Variants in SGMS1 observed in about 807,000 individuals in gnomAD.
SGMS1 encodes phosphatidylcholine:ceramide cholinephosphotransferase 1.
SGMS1 carries 13 observed loss-of-function variants against 46.2 expected under a neutral mutation model. The observed-to-expected ratio is 0.28, with a 90% confidence interval of 0.18 to 0.45. The LOEUF (loss-of-function observed/expected upper bound fraction) is 0.45, where lower values mean the gene tolerates loss of function less well. Among genes scored for constraint, SGMS1 ranks in the 20% least tolerant of loss-of-function variants. The pLI, the probability that SGMS1 is intolerant of heterozygous loss-of-function variation, is 1.00. For missense variants in SGMS1, 324 were observed against 519.9 expected, an observed-to-expected ratio of 0.62 and a Z score of 3.66; for synonymous variants, 203 against 187.8, an observed-to-expected ratio of 1.08 and a Z score of -0.66.
rs550268171 is a variant in SGMS1, at chr10:50,585,841, G to C, written c.-589+4312C>G. ...AATACAATAGACACTCTGTAAATACGTGTTGGATGAATACATGAATGAGAA... is the reference window on the plus strand; with the variant it reads ...AATACAATAGACACTCTGTAAATACCTGTTGGATGAATACATGAATGAGAA... On this transcript the variant is annotated intron_variant, in intron 2 of 10. Coordinates refer to ENST00000361781, the MANE Select transcript of SGMS1 (RefSeq NM_147156.4). Among the ~76,000 whole-genome samples, 4 of 152,330 alleles carry C rather than the reference G, an allele frequency of 2.6e-5. No individual in the cohort carries two copies. The East Asian group carries it at 5.8e-4, about 22-fold the overall frequency.
intron 2 of SGMS1, among the ~76,000 whole-genome samples, chr10:50,536,487 C>A (rs1203582160): frequency 2.0e-5 from 3 of 152,100 alleles, no homozygotes; most frequent in Non-Finnish European, 1.5e-5. Context: ...CAACAAGGCA[C>A]CTGTTAATAA....
chr10:50,519,182 T>C (rs1215543992), intron 3 of SGMS1, among the ~76,000 whole-genome samples: 1 of 152,230 alleles, frequency 6.6e-6, no homozygotes, highest in African/African-American at 2.4e-5. Flanking sequence ...TTGGAGATTA[T>C]ATATACAGAC....
chr10:50,531,152 G>C (rs1236771811), intron 2 of SGMS1, among the ~76,000 whole-genome samples: 1 of 152,130 alleles, frequency 6.6e-6, no homozygotes, highest in East Asian at 1.9e-4. Context: ...CACTTAGCTA[G>C]GGCAGGCACC....
intron 6 of SGMS1, among the ~76,000 whole-genome samples, chr10:50,409,147 G>C (rs956255252): frequency 5.9e-5 from 9 of 151,996 alleles, no homozygotes; most frequent in Middle Eastern, 3.4e-3. Context: ...CATATTTATG[G>C]GGTACATGTG....
chr10:50,382,164 C>T (rs907752032), intron 6 of SGMS1, among the ~76,000 whole-genome samples: 5 of 152,164 alleles, frequency 3.3e-5, no homozygotes, highest in African/African-American at 1.2e-4. Flanking sequence ...ATTGGGATTA[C>T]ATTTAATTGA....
intron 6 of SGMS1, among the ~76,000 whole-genome samples, chr10:50,429,755 T>C (rs1849382344): frequency 6.6e-6 from 1 of 150,784 alleles, no homozygotes; most frequent in Non-Finnish European, 1.5e-5. Flanking sequence ...TCTTTTCTCA[T>C]GACTTCAATT....
intron 6 of SGMS1, among the ~76,000 whole-genome samples, chr10:50,424,888 G>A (rs1376190721): frequency 4.0e-5 from 6 of 148,238 alleles, no homozygotes; most frequent in Admixed American, 4.0e-4. Context: ...CTCCAGCCTG[G>A]GCAACAAGAG....
intron 6 of SGMS1, among the ~76,000 whole-genome samples, chr10:50,415,022 G>A (rs1190992575): frequency 1.3e-5 from 2 of 152,234 alleles, no homozygotes; most frequent in Non-Finnish European, 2.9e-5. Flanking sequence ...TCAGGAGGCT[G>A]AGGCAGGAGA....
chr10:50,510,771 T>C (rs958266380), intron 3 of SGMS1, among the ~76,000 whole-genome samples: 1 of 152,176 alleles, frequency 6.6e-6, no homozygotes, highest in African/African-American at 2.4e-5. Flanking sequence ...ACAATACTAT[T>C]ACTATTAATA....
intron 1 of SGMS1, among the ~76,000 whole-genome samples, chr10:50,607,830 T>C (rs888122732): frequency 1.3e-5 from 2 of 152,198 alleles, no homozygotes; most frequent in Non-Finnish European, 2.9e-5. Context: ...GTCAGTTATA[T>C]GACAAAAGAT....
At chr10:50,336,511 G>T (rs1436215) in intron 7 of SGMS1, among the ~76,000 whole-genome samples, 3 of 151,870 alleles carry the variant, frequency 2.0e-5, no homozygotes, top group Admixed American at 6.6e-5. Context: ...AAAAATGGAC[G>T]GCTATCAAAG....
intron 8 of SGMS1, among the ~76,000 whole-genome samples, chr10:50,318,340 C>T (rs897946406): frequency 6.6e-6 from 1 of 152,208 alleles, no homozygotes; most frequent in African/African-American, 2.4e-5. Context: ...ATCCTAGCCT[C>T]AGTTTTCTCA....
intron 5 of SGMS1, among the ~76,000 whole-genome samples, chr10:50,438,744 A>G (rs1244771014): frequency 2.0e-5 from 3 of 152,218 alleles, no homozygotes. Context: ...GGAAGCCCCA[A>G]GAGCCAGGGT....
chr10:50,510,155 G>A (rs575977139), intron 3 of SGMS1, among the ~76,000 whole-genome samples: 18 of 152,206 alleles, frequency 1.2e-4, no homozygotes, highest in African/African-American at 1.9e-4. Flanking sequence ...CATAAAGTAT[G>A]GATTCTTTTG....
intron 2 of SGMS1, among the ~76,000 whole-genome samples, chr10:50,582,243 C>T (rs1395952478): frequency 2.0e-4 from 30 of 152,172 alleles, no homozygotes; most frequent in Non-Finnish European, 2.2e-4. Flanking sequence ...AAAGAAATCA[C>T]TATTGTCCTC....
At chr10:50,594,549 T>C (rs2131898125) in intron 1 of SGMS1, among the ~76,000 whole-genome samples, 1 of 152,376 alleles carries the variant, frequency 6.6e-6, no homozygotes, top group East Asian at 1.9e-4. Context: ...AATTGTTATT[T>C]ATTACACTTG....
intron 6 of SGMS1, among the ~76,000 whole-genome samples, chr10:50,384,443 CCT>C (rs1384289222): frequency 6.8e-6 from 1 of 146,328 alleles, no homozygotes; most frequent in Non-Finnish European, 1.5e-5. Flanking sequence ...CTCCCTCTTT[CCT>C]CTCTTTCTCT....
chr10:50,558,710 C>T (rs1838209098), intron 2 of SGMS1, among the ~76,000 whole-genome samples: 2 of 152,192 alleles, frequency 1.3e-5, no homozygotes, highest in African/African-American at 4.8e-5. Context: ...TCCTCCTCCT[C>T]CTCAGCCTAC....
At chr10:50,581,018 C>T (rs1838428614) in intron 2 of SGMS1, among the ~76,000 whole-genome samples, 1 of 152,164 alleles carries the variant, frequency 6.6e-6, no homozygotes, top group Admixed American at 6.5e-5. Context: ...TTCAGTAGGT[C>T]TGGGTGAGGC....
Sources: gnomAD v4.1 joint callset for allele counts (sites outside exome capture counted in the v4.1 genomes callset) on GRCh38, gnomAD v4.1.1 for gene constraint, MANE v1.5 for transcripts, NCBI Gene and HGNC (gene_info 2026-07-23, HGNC 2026-07-21) for gene names.